Variants in NEO1 observed in about 807,000 individuals in gnomAD.
The protein encoded by NEO1 is neogenin.
Under a neutral mutation model 159.7 loss-of-function variants are expected in NEO1, and 63 were observed. The ratio of observed to expected loss-of-function variants is 0.39; its 90% CI spans 0.32 to 0.49. The LOEUF is 0.49. Ranked by LOEUF, NEO1 falls within the 20% of genes least tolerant of loss-of-function variation. The pLI is 0.85. For missense variants in NEO1, 1,615 were observed against 1,831.0 expected (o/e 0.88, Z 2.15); for synonymous variants, 633 against 662.0 (o/e 0.96, Z 0.67).
Position 73,215,817 on chromosome 15 carries a change from C to T in NEO1, c.1292-20530C>T, listed in dbSNP as rs990199405. Among the ~76,000 whole-genome samples the T allele has an allele frequency of 5.3e-5, 8 of 152,062 alleles. 1 individual carries two copies. The highest frequency in any genetic ancestry group is 7.4e-5 in the Non-Finnish European group (5 of 67,988). ...TTCATAGAATGAATTAGGGAGGGTT[C>T]CCTTTTTCTCAATATTGTGGAATAG... On this transcript the variant is annotated intron_variant, in intron 7 of 28. Coordinates refer to ENST00000261908, the MANE Select transcript of NEO1 (RefSeq NM_002499.4).
At chr15:73,117,855 CTT>C (rs2071411897) in intron 2 of NEO1, among the ~76,000 whole-genome samples, 2 of 151,728 alleles carry the variant, frequency 1.3e-5, no homozygotes, top group Admixed American at 1.3e-4. Context: ...TTTCCCTTTT[CTT>C]TCCTTCCTTC....
At chr15:73,079,087 T>A (rs551980876) in intron 1 of NEO1, among the ~76,000 whole-genome samples, 1 of 152,210 alleles carries the variant, frequency 6.6e-6, no homozygotes, top group Non-Finnish European at 1.5e-5. Flanking sequence ...TCTTTTTTAA[T>A]TGTTCAGAGT....
At chr15:73,185,483 A>G (rs756713941) in intron 7 of NEO1, among the ~76,000 whole-genome samples, 3 of 152,216 alleles carry the variant, frequency 2.0e-5, no homozygotes, top group African/African-American at 4.8e-5. Context: ...AACACCATCA[A>G]ACTCTCACAA....
At chr15:73,161,386 C>G (rs992155858) in intron 5 of NEO1, among the ~76,000 whole-genome samples, 1 of 152,126 alleles carries the variant, frequency 6.6e-6, no homozygotes, top group Non-Finnish European at 1.5e-5. Context: ...TCACTTCAAT[C>G]GTATGAGAAT....
At chr15:73,156,238 G>A (rs1395252414) in intron 5 of NEO1, among the ~76,000 whole-genome samples, 2 of 152,188 alleles carry the variant, frequency 1.3e-5, no homozygotes, top group African/African-American at 4.8e-5. Flanking sequence ...TAGCCTTAGT[G>A]TTAAATCTGT....
chr15:73,244,970 A>AC lies in NEO1; in HGVS notation c.1606+472_1606+473insC, dbSNP rs1198607577. On this transcript the variant is annotated intron_variant, in intron 9 of 28. Coordinates refer to ENST00000261908, the MANE Select transcript of NEO1 (RefSeq NM_002499.4). ...ACTCTGTCTCAAAAAAAAAAAAAAAAAAAAAAAAAAAAACAACAGCAAATA... is the reference window on the plus strand; with the variant it reads ...ACTCTGTCTCAAAAAAAAAAAAAAAACAAAAAAAAAAAAACAACAGCAAATA... Among the ~76,000 whole-genome samples, 26 of 146,964 alleles carry AC rather than the reference A, an allele frequency of 1.8e-4. 1 individual carries two copies. The highest frequency in any genetic ancestry group is 4.2e-4 in the African/African-American group (17 of 40,456).
chr15:73,202,744 A>T (rs1395154116), intron 7 of NEO1, among the ~76,000 whole-genome samples: 1 of 152,156 alleles, frequency 6.6e-6, no homozygotes, highest in Non-Finnish European at 1.5e-5. Flanking sequence ...CCATCTCAAG[A>T]ACTCTTCATC....
intron 7 of NEO1, among the ~76,000 whole-genome samples, chr15:73,227,605 C>T (rs1256121691): frequency 6.6e-6 from 1 of 152,150 alleles, no homozygotes; most frequent in Non-Finnish European, 1.5e-5. Flanking sequence ...TAGGTTTCAG[C>T]GACTGGGCCA....
chr15:73,128,650 A>G (rs973998209), intron 4 of NEO1, among the ~76,000 whole-genome samples: 1 of 152,176 alleles, frequency 6.6e-6, no homozygotes, highest in Admixed American at 6.5e-5. Context: ...ATGTCAGTTT[A>G]TGGTAAGTGC....
intron 27 of NEO1, among the ~76,000 whole-genome samples, chr15:73,301,053 T>C (rs1160731107): frequency 1.3e-5 from 2 of 152,194 alleles, no homozygotes; most frequent in Admixed American, 6.5e-5. Context: ...CTTCCAGATA[T>C]CCTGCAAGGG....
At chr15:73,249,316 C>T (rs2039954878) in intron 10 of NEO1, 108 bp downstream of exon 10, 2 of 1,263,224 alleles carry the variant, frequency 1.6e-6, no homozygotes, top group South Asian at 1.5e-5. Context: ...GAAAAAGAAA[C>T]ATAGGAAATG....
intron 7 of NEO1, among the ~76,000 whole-genome samples, chr15:73,209,818 C>A (rs573074973): frequency 6.6e-6 from 1 of 152,116 alleles, no homozygotes; most frequent in East Asian, 1.9e-4. Context: ...ATGGTGAAAT[C>A]CTGTTTCTAC....
At chr15:73,225,405 T>A (rs1456928579) in intron 7 of NEO1, among the ~76,000 whole-genome samples, 1 of 151,556 alleles carries the variant, frequency 6.6e-6, no homozygotes. Context: ...CCAGAGTGAG[T>A]AGGAAAGGAC....
rs773140476 is a variant in NEO1, at chr15:73,301,387, C to G, written c.4232C>G (p.Pro1411Arg). 1.2e-6 allele frequency: 2 copies of G among 1,614,202 alleles called. No individual in the cohort carries two copies. The highest frequency in any genetic ancestry group is 4.5e-5 in the East Asian group (2 of 44,880). The change falls in exon 28 of 29, where the codon CCT (proline) becomes CGT (arginine). Residue 1411 changes from proline (P) to arginine (R), a missense_variant. Physicochemically the swap from Pro to Arg is moderately radical, Grantham distance 103. Around this residue, in one of 3 missense-constraint regions of NEO1, gnomAD observed 471 missense variants for 498.9 expected, o/e 0.94. Transcript: ENST00000261908. ...SIGTLGRSRPPMPVVVPSAPE... is the reference protein window; with the variant it reads ...SIGTLGRSRPRMPVVVPSAPE... Reference sequence around the variant, plus strand: ...GGGACTCTAGGAAGGAGCCGGCCTCCTATGCCAGTGGTTGTTCCCAGTGCC... The same window carrying G: ...GGGACTCTAGGAAGGAGCCGGCCTCGTATGCCAGTGGTTGTTCCCAGTGCC...
intron 1 of NEO1, among the ~76,000 whole-genome samples, chr15:73,068,823 G>A (rs961230179): frequency 6.6e-6 from 1 of 152,062 alleles, no homozygotes; most frequent in African/African-American, 2.4e-5. Context: ...TTAGTTTGAT[G>A]TCTGATCCAA....
chr15:73,232,606 G>C (rs1224296238), intron 7 of NEO1, among the ~76,000 whole-genome samples: 8 of 152,190 alleles, frequency 5.3e-5, no homozygotes, highest in Non-Finnish European at 4.4e-5. Flanking sequence ...AGTCCCTAGG[G>C]TACATACACA....
At chr15:73,226,401 G>A (rs1246482205) in intron 7 of NEO1, among the ~76,000 whole-genome samples, 1 of 152,132 alleles carries the variant, frequency 6.6e-6, no homozygotes, top group Admixed American at 6.5e-5. Context: ...ATCTCAGGAA[G>A]CATTTAATTC....
At chr15:73,274,557 C>T in intron 20 of NEO1, 135 bp from the exon 21 acceptor site, 2 of 814,566 alleles carry the variant, frequency 2.5e-6, no homozygotes, top group Non-Finnish European at 4.1e-6. Flanking sequence ...TCTGTTAGTA[C>T]TAAAGTCAAG....
chr15:73,260,546 C>T, intron 15 of NEO1, 81 bp downstream of exon 15: 1 of 1,297,232 alleles, frequency 7.7e-7, no homozygotes, highest in Non-Finnish European at 1.0e-6. Context: ...TTTATTTTTA[C>T]AAGAAAATTG....
Sources: gnomAD v4.1 joint callset for allele counts (sites outside exome capture counted in the v4.1 genomes callset) on GRCh38, gnomAD v4.1.1 for gene constraint, gnomAD v4.1.1 regional missense constraint, MANE v1.5 for transcripts, NCBI Gene and HGNC (gene_info 2026-07-23, HGNC 2026-07-21) for gene names.